The following CNTN5 variants were observed in gnomAD, a reference collection of about 807,000 sequenced individuals.
CNTN5 encodes contactin 5.
In CNTN5, 77 loss-of-function variants were observed where a neutral mutation model predicts 129.1. That is an observed-to-expected ratio of 0.60 (90% CI 0.50 to 0.72). CNTN5 has a LOEUF of 0.72. Ranked by LOEUF, CNTN5 falls within the 30% of genes least tolerant of loss-of-function variation. The probability of loss-of-function intolerance (pLI) is 0.00; values close to 1 mark genes in which losing one functional copy is unlikely to be tolerated. For synonymous variants in CNTN5, 509 were observed against 465.6 expected, an observed-to-expected ratio of 1.09 and a Z score of -1.20; for missense variants, 1,478 against 1,328.8, an observed-to-expected ratio of 1.11 and a Z score of -1.75.
intron 3 of CNTN5, among the ~76,000 whole-genome samples, chr11:99,713,386 G>A (rs185945130): frequency 6.6e-6 from 1 of 152,128 alleles, no homozygotes; most frequent in African/African-American, 2.4e-5. Context: ...TCAGCTTAAG[G>A]AGATTTTGGG....
At chr11:100,076,234 T>C (rs1254822740) in intron 13 of CNTN5, among the ~76,000 whole-genome samples, 1 of 152,158 alleles carries the variant, frequency 6.6e-6, no homozygotes, top group East Asian at 1.9e-4. Flanking sequence ...GTCATTAAAA[T>C]ATATATGCCT....
chr11:99,922,404 A>G (rs1010726523), intron 7 of CNTN5, among the ~76,000 whole-genome samples: 1 of 152,212 alleles, frequency 6.6e-6, no homozygotes, highest in Non-Finnish European at 1.5e-5. Flanking sequence ...TGAGAAAAGA[A>G]TAATCCAGGG....
chr11:99,174,569 G>A (rs1857684669), intron 1 of CNTN5, among the ~76,000 whole-genome samples: 1 of 151,988 alleles, frequency 6.6e-6, no homozygotes, highest in Admixed American at 6.6e-5. Flanking sequence ...CTACATGGAG[G>A]ACAGTACAAA....
At chr11:99,850,555 T>C (rs1418873731) in intron 6 of CNTN5, among the ~76,000 whole-genome samples, 1 of 152,182 alleles carries the variant, frequency 6.6e-6, no homozygotes, top group Non-Finnish European at 1.5e-5. Context: ...ATAGCAAATG[T>C]ATGCTTGTAT....
At chr11:99,638,604 AAT>A (rs1290211274) in intron 3 of CNTN5, among the ~76,000 whole-genome samples, 18 of 152,194 alleles carry the variant, frequency 1.2e-4, no homozygotes, top group Non-Finnish European at 2.1e-4. Flanking sequence ...CAATTGGGTA[AAT>A]ATAACCATTC....
chr11:99,829,649 T>C (rs970359327), intron 4 of CNTN5, among the ~76,000 whole-genome samples: 2 of 152,212 alleles, frequency 1.3e-5, no homozygotes, highest in African/African-American at 4.8e-5. Context: ...CTTGAAATTG[T>C]GTCAATGCAA....
rs577973639 is a variant in CNTN5, at chr11:100,072,112, A to C, written c.1429+278A>C. ...CTTTGCTATAGCACTTAAAAAAATC[A>C]TATAAAGAAATACATGTTAACTTCC... On this transcript the variant is annotated intron_variant, in intron 12 of 24. Transcript: ENST00000524871. 2.0e-5 allele frequency among the ~76,000 whole-genome samples: 3 copies of C among 152,336 alleles called. No homozygotes were observed. In the South Asian group the frequency reaches 6.2e-4, roughly 32 times the overall value.
chr11:99,340,828 A>T (rs1261646168), intron 2 of CNTN5, among the ~76,000 whole-genome samples: 2 of 152,238 alleles, frequency 1.3e-5, no homozygotes, highest in Non-Finnish European at 2.9e-5. Context: ...CAATTACATA[A>T]ATCTACATTA....
At chr11:99,979,876 T>C (rs536925990) in intron 8 of CNTN5, among the ~76,000 whole-genome samples, 9 of 152,312 alleles carry the variant, frequency 5.9e-5, no homozygotes, top group African/African-American at 2.2e-4. Context: ...ACTTCCTGAA[T>C]TCAAGTCCTG....
chr11:99,361,192 A>G (rs530014706), intron 2 of CNTN5, among the ~76,000 whole-genome samples: 3 of 152,300 alleles, frequency 2.0e-5, no homozygotes, highest in East Asian at 3.9e-4. Flanking sequence ...AAAAGCTTTA[A>G]GAAGACTGAG....
chr11:99,055,262 G>T (rs1305056082), intron 1 of CNTN5, among the ~76,000 whole-genome samples: 1 of 151,864 alleles, frequency 6.6e-6, no homozygotes, highest in East Asian at 1.9e-4. Context: ...TTTTAATACA[G>T]CTCACATTTG....
chr11:99,135,513 G>C (rs1382063511), intron 1 of CNTN5, among the ~76,000 whole-genome samples: 1 of 152,174 alleles, frequency 6.6e-6, no homozygotes, highest in Non-Finnish European at 1.5e-5. Context: ...CCAGGGGGCA[G>C]AGGAAGTGTG....
chr11:100,070,385 A>G (rs202087901), intron 10 of CNTN5, 39 bp from the exon 11 acceptor site: 340 of 1,570,328 alleles, frequency 2.2e-4, no homozygotes, highest in Non-Finnish European at 2.8e-4. Flanking sequence ...AGCGTTTGAG[A>G]AATGAAATCA....
At chr11:100,071,575 T>A (rs563927120) in intron 11 of CNTN5, 130 bp from the exon 12 acceptor site, 1 of 533,734 alleles carries the variant, frequency 1.9e-6, no homozygotes, top group South Asian at 3.7e-5. Context: ...ACATTTACAT[T>A]GCTAAGTGGC....
rs145919111 is a variant in CNTN5, at chr11:99,052,503, T to G, written c.-210+31233T>G. The stretch of plus-strand genomic sequence containing the variant: ...TGTGGCCCAGGAGCAATAGGCTATA[T>G]AGCGCAGGTACATAATAGTGTATAA... On this transcript the variant is annotated intron_variant, in intron 1 of 24. Transcript: ENST00000524871. 1.0e-3 allele frequency among the ~76,000 whole-genome samples: 158 copies of G among 152,008 alleles called. 1 individual carries two copies. The highest frequency in any genetic ancestry group is 3.6e-3 in the African/African-American group (151 of 41,546).
Position 99,253,897 on chromosome 11 carries a change from T to TTTTATATATATA in CNTN5, c.-209-71448_-209-71447insTTATATATATAT, listed in dbSNP as rs376157994. ...AAAATGTATTAACACAAATATACGT[T>TTTTATATATATA]TATATATATATATATATATATATAT... On this transcript the variant is annotated intron_variant, in intron 1 of 24. Coordinates refer to ENST00000524871, the MANE Select transcript of CNTN5 (RefSeq NM_014361.4). Among the ~76,000 whole-genome samples the TTTTATATATATA allele has an allele frequency of 9.9e-3, 1,379 of 139,024 alleles. 29 individuals carry two copies. Among genetic ancestry groups the TTTTATATATATA allele is most frequent in the African/African-American group, 0.033 (1,253 of 37,656 alleles). The allele number at this position is 139,024 out of a possible 152,430, so 91.2% of individuals were successfully genotyped here. A position where few individuals can be genotyped will look rare whatever the true frequency, so the allele number is the denominator to read the frequency against.
intron 3 of CNTN5, among the ~76,000 whole-genome samples, chr11:99,587,116 G>A (rs936885148): frequency 2.6e-5 from 4 of 152,064 alleles, no homozygotes; most frequent in Non-Finnish European, 4.4e-5. Context: ...TTGCAATGAA[G>A]TCATGTTGGC....
chr11:99,206,979 T>A (rs953438757), intron 1 of CNTN5, among the ~76,000 whole-genome samples: 1 of 152,100 alleles, frequency 6.6e-6, no homozygotes, highest in Non-Finnish European at 1.5e-5. Flanking sequence ...ATGTAGTAAT[T>A]GTAATTCTCC....
intron 2 of CNTN5, among the ~76,000 whole-genome samples, chr11:99,516,097 A>G (rs938157653): frequency 6.6e-6 from 1 of 151,200 alleles, no homozygotes; most frequent in African/African-American, 2.4e-5. Context: ...GCTATATGCA[A>G]TACCATAAGT....
Sources: gnomAD v4.1 joint callset for allele counts (sites outside exome capture counted in the v4.1 genomes callset) on GRCh38, gnomAD v4.1.1 for gene constraint, MANE v1.5 for transcripts, NCBI Gene and HGNC (gene_info 2026-07-23, HGNC 2026-07-21) for gene names.